ZNF316: variants seen among roughly 807,000 people sequenced by gnomAD.
ZNF316 encodes zinc finger protein 316.
A neutral mutation model predicts 75.6 loss-of-function variants in ZNF316; 23 were observed. The ratio of observed to expected loss-of-function variants is 0.30; its 90% CI spans 0.22 to 0.43. ZNF316 has a LOEUF of 0.43. ZNF316 is among the 20% of genes least tolerant of loss of function. The pLI, the probability that ZNF316 is intolerant of heterozygous loss-of-function variation, is 1.00. For missense variants in ZNF316, 1,266 were observed against 1,409.4 expected, an observed-to-expected ratio of 0.90 and a Z score of 1.63; for synonymous variants, 827 against 666.2, an observed-to-expected ratio of 1.24 and a Z score of -3.72.
At chr7:6,643,327 T>G (rs1779344414) in intron 6 of ZNF316, among the ~76,000 whole-genome samples, 1 of 152,208 alleles carries the variant, frequency 6.6e-6, no homozygotes, top group Non-Finnish European at 1.5e-5. Flanking sequence ...AACCGCACTG[T>G]GCACAGCGAC....
In ZNF316 at chr7:6,654,787, G is replaced by C; in HGVS notation, c.*176G>C. ...CATGCCCGCCGGGTCCGTGTGCTCA[G>C]CCGGAGACGTGGGGGAGCTCTGGGG... On this transcript the variant is annotated 3_prime_UTR_variant, in exon 9 of 9. Coordinates refer to ENST00000382252, the MANE Select transcript of ZNF316 (RefSeq NM_001278559.2). The C allele has an allele frequency of 2.1e-6, 1 of 484,846 alleles. No homozygotes were observed. The highest frequency in any genetic ancestry group is 3.0e-6 in the Non-Finnish European group (1 of 332,762). 30.0% of individuals were successfully genotyped at this position (484,846 alleles called of 1,614,324 possible).
rs1458018829 is a variant in ZNF316, at chr7:6,657,894, A to G, written c.*3283A>G. Among the ~76,000 whole-genome samples, 1 of 150,628 alleles carries G rather than the reference A, an allele frequency of 6.6e-6. No homozygotes were observed. Among genetic ancestry groups the G allele is most frequent in the Non-Finnish European group, 1.5e-5 (1 of 67,670 alleles). On this transcript the variant is annotated 3_prime_UTR_variant, in exon 9 of 9. Transcript: ENST00000382252. ...AGAACTTATAGTTGACTGTCCAGCC[A>G]AATACTTAAAAAAAAAGTTTATAGG...
chr7:6,653,881 TGGC>T lies in ZNF316; in HGVS notation c.2290_2292del (p.Ala764del). ...GCGCGGTTCGCCCGCGGCTCGCACT[TGGC>T]GGCGCACGTGCGCGGCCACACGGGC... On this transcript the variant is annotated inframe_deletion, in exon 9 of 9. Transcript: ENST00000382252. 9.1e-7 allele frequency: 1 copy of T among 1,100,362 alleles called. No individual in the cohort carries two copies. The highest frequency in any genetic ancestry group is 1.1e-6 in the Non-Finnish European group (1 of 903,524). 68.2% of individuals were successfully genotyped at this position (1,100,362 alleles called of 1,614,324 possible). A position where few individuals can be genotyped will look rare whatever the true frequency, so the allele number is the denominator to read the frequency against.
rs1779322056 is a variant in ZNF316 at position 6,642,211 on chromosome 7, A to C, written c.-28-171A>C. ...TGGGTACAGAATGTCTTGATGGTGC[A>C]GGGTAAGATCGTGGGAAGGCCCGGT... On this transcript the variant is annotated intron_variant, in intron 4 of 8. Transcript: ENST00000382252. The surrounding 1 kb of genome is among the most constrained non-coding windows in gnomAD (Gnocchi z 8.1). 2.5e-6 allele frequency: 1 copy of C among 395,528 alleles called. No individual in the cohort carries two copies. 24.5% of individuals were successfully genotyped at this position (395,528 alleles called of 1,614,324 possible). A position where few individuals can be genotyped will look rare whatever the true frequency, so the allele number is the denominator to read the frequency against.
At chr7:6,638,782 G>A (rs192985525) in intron 2 of ZNF316, among the ~76,000 whole-genome samples, 1 of 152,302 alleles carries the variant, frequency 6.6e-6, no homozygotes, top group East Asian at 1.9e-4. Flanking sequence ...GTGGCCTCTG[G>A]TTTGGGATTG....
Position 6,637,411 on chromosome 7 carries a change from G to A in ZNF316, c.-467G>A. The A allele has an allele frequency of 6.8e-6, 1 of 146,922 alleles. No homozygotes were observed. Among genetic ancestry groups the A allele is most frequent in the Admixed American group, 6.7e-5 (1 of 14,834 alleles). 9.1% of individuals were successfully genotyped at this position (146,922 alleles called of 1,614,324 possible). ...CGCCGGCCCGCAGGCCCCGGCCCCG[G>A]TGTCCGGCCCGTGGCTCGGCCAGCC... On this transcript the variant is annotated 5_prime_UTR_variant, in exon 1 of 9. The change creates a new upstream start codon in the 5' untranslated region. Coordinates refer to ENST00000382252, the MANE Select transcript of ZNF316 (RefSeq NM_001278559.2). This position sits in a 1 kb window ranked among gnomAD's most constrained non-coding sequence, Gnocchi z 6.2.
At chr7:6,651,485 T>C (rs891401423) in intron 8 of ZNF316, among the ~76,000 whole-genome samples, 3 of 152,032 alleles carry the variant, frequency 2.0e-5, no homozygotes, top group African/African-American at 7.3e-5. Flanking sequence ...CGAAACTCCA[T>C]CTCTACTAAA....
Position 6,653,191 on chromosome 7 carries a change from A to T in ZNF316, c.1595A>T (p.Asp532Val). 2 of 1,216,702 alleles carry T rather than the reference A, an allele frequency of 1.6e-6. No individual in the cohort carries two copies. The highest frequency in any genetic ancestry group is 2.0e-6 in the Non-Finnish European group (2 of 978,596). 75.4% of individuals were successfully genotyped at this position (1,216,702 alleles called of 1,614,324 possible). ...GETAAAAGPEDTDPGPEGSEV... is the reference protein window; with the variant it reads ...GETAAAAGPEVTDPGPEGSEV... ...ACGGCGGCCGCCGCGGGGCCCGAGG[A>T]CACGGACCCTGGGCCAGAGGGATCT... The change falls in exon 9 of 9, where the codon GAC becomes GTC. Residue 532 changes from aspartate to valine, a missense_variant. By Grantham distance (152) the Asp-to-Val change is radical (BLOSUM62 -3). Coordinates refer to ENST00000382252, the MANE Select transcript of ZNF316 (RefSeq NM_001278559.2).
rs765939382 is a variant in ZNF316, at chr7:6,642,903, G to A, written c.356-61G>A. ...GCTTTGCAATGAGGGTGTTGCCAGGGCTCCTGGCCCTGCAGGCTGGGGGCT... is the reference window on the plus strand; with the variant it reads ...GCTTTGCAATGAGGGTGTTGCCAGGACTCCTGGCCCTGCAGGCTGGGGGCT... On this transcript the variant is annotated intron_variant, in intron 5 of 8. Coordinates refer to ENST00000382252, the MANE Select transcript of ZNF316 (RefSeq NM_001278559.2). This position sits in a 1 kb window ranked among gnomAD's most constrained non-coding sequence, Gnocchi z 8.1. 600 of 1,232,284 alleles carry A rather than the reference G, an allele frequency of 4.9e-4. 3 individuals are homozygous for A. Among genetic ancestry groups the A allele is most frequent in the Non-Finnish European group, 5.9e-4 (582 of 988,224 alleles). The allele number at this position is 1,232,284 out of a possible 1,614,324, so 76.3% of individuals were successfully genotyped here. A position where few individuals can be genotyped will look rare whatever the true frequency, so the allele number is the denominator to read the frequency against.
intron 8 of ZNF316, among the ~76,000 whole-genome samples, chr7:6,647,005 G>T (rs1002264294): frequency 6.6e-6 from 1 of 152,248 alleles, no homozygotes; most frequent in East Asian, 1.9e-4. Flanking sequence ...CTCCTTACCT[G>T]GCTTAGATCC....
Position 6,655,048 on chromosome 7 carries a change from C to T in ZNF316, c.*437C>T, listed in dbSNP as rs1458879953. ...TGGGCCAGCGGGATGCCTGGGAGGC[C>T]GGTGGGTTTGGCTGACCACTTCTTC... On this transcript the variant is annotated 3_prime_UTR_variant, in exon 9 of 9. Transcript: ENST00000382252. 2 of 152,568 alleles carry T rather than the reference C, an allele frequency of 1.3e-5. No homozygotes were observed. The highest frequency in any genetic ancestry group is 4.8e-5 in the African/African-American group (2 of 41,428). The allele number at this position is 152,568 out of a possible 1,614,324, so 9.5% of individuals were successfully genotyped here.
intron 8 of ZNF316, among the ~76,000 whole-genome samples, chr7:6,647,610 A>G (rs1335504028): frequency 6.6e-6 from 1 of 152,144 alleles, no homozygotes; most frequent in African/African-American, 2.4e-5. Flanking sequence ...GCCCCAGTGG[A>G]TGGGTTGTCA....
chr7:6,644,395 G>T, intron 7 of ZNF316, 85 bp from the exon 8 acceptor site: 1 of 637,970 alleles, frequency 1.6e-6, no homozygotes, highest in Non-Finnish European at 2.2e-6. Flanking sequence ...AGGTGGAGGG[G>T]CACTGAGCGG....
chr7:6,645,560 T>C (rs575917506), intron 8 of ZNF316, among the ~76,000 whole-genome samples: 17 of 151,752 alleles, frequency 1.1e-4, no homozygotes, highest in Admixed American at 8.5e-4. Context: ...GGCGTGTGCC[T>C]GTAGTCCCAG....
chr7:6,648,043 G>C (rs994730094), intron 8 of ZNF316, among the ~76,000 whole-genome samples: 1 of 152,216 alleles, frequency 6.6e-6, no homozygotes, highest in Non-Finnish European at 1.5e-5. Context: ...TTAAACCAGG[G>C]CCTGGGGACA....
At chr7:6,649,139 C>G (rs1294919712) in intron 8 of ZNF316, among the ~76,000 whole-genome samples, 7 of 152,200 alleles carry the variant, frequency 4.6e-5, no homozygotes. Flanking sequence ...TTCTCCCTCC[C>G]TAGACAGAGC....
At position 6,645,277 on chromosome 7, in the gene ZNF316, C is replaced by T. The variant is rs116314239; in HGVS notation, c.706+684C>T. Among the ~76,000 whole-genome samples, 824 of 152,304 alleles carry T rather than the reference C, an allele frequency of 5.4e-3. 9 individuals are homozygous for T. Among genetic ancestry groups the T allele is most frequent in the African/African-American group, 0.019 (789 of 41,562 alleles). The stretch of plus-strand genomic sequence containing the variant: ...TTAGTGGTGTCTGAGGGGCTCCTAG[C>T]GTCAGAGAGCTCTGCAGAGGCCCCT... On this transcript the variant is annotated intron_variant, in intron 8 of 8. Transcript: ENST00000382252.
At chr7:6,644,646 G>A (rs1779368604) in intron 8 of ZNF316, 53 bp downstream of exon 8, 1 of 1,100,564 alleles carries the variant, frequency 9.1e-7, no homozygotes, top group South Asian at 4.6e-5. Flanking sequence ...CAGAGCTGTT[G>A]TCAAACTTTG....
At chr7:6,646,288 G>T (rs1433788897) in intron 8 of ZNF316, among the ~76,000 whole-genome samples, 1 of 152,214 alleles carries the variant, frequency 6.6e-6, no homozygotes, top group East Asian at 1.9e-4. Context: ...GGAGGGCTCT[G>T]GTTGGCAAGA....
Sources: allele counts gnomAD v4.1 joint callset (sites outside exome capture counted in the v4.1 genomes callset), GRCh38; gene constraint gnomAD v4.1.1; non-coding constraint Gnocchi (gnomAD v3.1); transcripts MANE v1.5; gene names NCBI Gene and HGNC (gene_info 2026-07-23, HGNC 2026-07-21).